Variants in NEK11 observed in about 807,000 individuals in gnomAD.
NEK11 encodes serine/threonine-protein kinase Nek11.
Under a neutral mutation model 80.7 loss-of-function variants are expected in NEK11, and 72 were observed. The observed-to-expected ratio is 0.89, with a 90% CI of 0.74 to 1.08. NEK11 has a LOEUF of 1.08. Ranked by LOEUF, NEK11 falls within the 50% of genes least tolerant of loss-of-function variation. The pLI is 0.00. For synonymous variants in NEK11, 251 were observed against 260.7 expected (o/e 0.96, Z 0.36); for missense variants, 764 against 763.6 (o/e 1.00, Z -0.01).
intron 3 of NEK11, among the ~76,000 whole-genome samples, chr3:131,070,222 TG>T (rs1161499691): frequency 6.6e-6 from 1 of 152,244 alleles, no homozygotes; most frequent in Non-Finnish European, 1.5e-5. Context: ...ATGAGTGATT[TG>T]TTGCCTAGAG....
intron 3 of NEK11, among the ~76,000 whole-genome samples, chr3:131,041,499 A>T (rs2066459995): frequency 6.6e-6 from 1 of 152,182 alleles, no homozygotes; most frequent in Non-Finnish European, 1.5e-5. Flanking sequence ...ACATAACCAT[A>T]AAAACTCTGT....
intron 17 of NEK11, among the ~76,000 whole-genome samples, chr3:131,346,637 A>G (rs752308548): frequency 6.6e-6 from 1 of 152,240 alleles, no homozygotes; most frequent in Non-Finnish European, 1.5e-5. Context: ...ATGATGGGCC[A>G]TGAAATTAAC....
At chr3:131,164,235 T>G (rs1037733302) in intron 11 of NEK11, among the ~76,000 whole-genome samples, 48 of 152,230 alleles carry the variant, frequency 3.2e-4, no homozygotes, top group African/African-American at 1.1e-3. Context: ...AGGGGACTGC[T>G]TATTTGTTTG....
In NEK11 at chr3:131,064,330, A is replaced by C. The variant is rs548050109; in HGVS notation, c.171-16093A>C. On this transcript the variant is annotated intron_variant, in intron 3 of 17. Transcript: ENST00000383366. ...GAAAGTCCAAGAATAAGGTGCCAGC[A>C]GGGTGATTTTTTTCTGAGGCTGCTC... 2.0e-5 allele frequency among the ~76,000 whole-genome samples: 3 copies of C among 152,310 alleles called. No individual in the cohort carries two copies. The South Asian group carries it at 6.2e-4, about 32-fold the overall frequency.
At chr3:131,291,668 CATT>C (rs1431241288) in intron 17 of NEK11, among the ~76,000 whole-genome samples, 5 of 152,066 alleles carry the variant, frequency 3.3e-5, no homozygotes, top group East Asian at 3.9e-4. Flanking sequence ...AGTAGTATCT[CATT>C]GTCTTAATTT....
intron 14 of NEK11, among the ~76,000 whole-genome samples, chr3:131,227,040 C>CTGAACTGA (rs2095220877): frequency 6.6e-6 from 1 of 151,242 alleles, no homozygotes; most frequent in South Asian, 2.1e-4. Context: ...AATCAGTGAT[C>CTGAACTGA]TGAACTGATG....
chr3:131,143,639 T>C (rs1053281772), intron 7 of NEK11, among the ~76,000 whole-genome samples: 1 of 152,152 alleles, frequency 6.6e-6, no homozygotes, highest in Admixed American at 6.6e-5. Flanking sequence ...CTAAGTGATT[T>C]ACATATATGT....
At chr3:131,217,116 G>A (rs563313573) in intron 14 of NEK11, among the ~76,000 whole-genome samples, 5 of 152,284 alleles carry the variant, frequency 3.3e-5, no homozygotes, top group South Asian at 4.2e-4. Flanking sequence ...AGGCCCAGCC[G>A]ATGACTCACT....
intron 16 of NEK11, among the ~76,000 whole-genome samples, chr3:131,252,189 A>G (rs536252727): frequency 3.7e-4 from 57 of 152,270 alleles, no homozygotes; most frequent in African/African-American, 1.3e-3. Context: ...AGTATGTCAG[A>G]GTATAAGCTT....
intron 14 of NEK11, among the ~76,000 whole-genome samples, chr3:131,203,437 G>A (rs1224994714): frequency 7.4e-6 from 1 of 134,422 alleles, no homozygotes; most frequent in African/African-American, 2.7e-5. Context: ...TGTGGGGTGA[G>A]GGGAGGGGGG....
chr3:131,317,191 A>G (rs1278100683), intron 17 of NEK11, among the ~76,000 whole-genome samples: 1 of 152,228 alleles, frequency 6.6e-6, no homozygotes, highest in Non-Finnish European at 1.5e-5. Context: ...ACTTAAACCT[A>G]GGACAGTGTC....
chr3:131,203,727 TTA>T (rs2094334506), intron 14 of NEK11, among the ~76,000 whole-genome samples: 2 of 138,062 alleles, frequency 1.4e-5, no homozygotes, highest in Non-Finnish European at 1.5e-5. Flanking sequence ...TATTTGTATA[TTA>T]TATATGTGTA....
intron 5 of NEK11, among the ~76,000 whole-genome samples, chr3:131,118,135 T>C (rs1393932532): frequency 1.3e-5 from 2 of 152,196 alleles, no homozygotes; most frequent in Non-Finnish European, 2.9e-5. Flanking sequence ...CTTATTATTT[T>C]GAGATACATT....
At chr3:131,176,961 A>G (rs2093055205) in intron 14 of NEK11, among the ~76,000 whole-genome samples, 2 of 152,350 alleles carry the variant, frequency 1.3e-5, no homozygotes, top group Non-Finnish European at 2.9e-5. Flanking sequence ...TTTGGAACAA[A>G]TCAATTAAGC....
intron 4 of NEK11, among the ~76,000 whole-genome samples, chr3:131,087,717 T>A (rs1460870891): frequency 6.6e-6 from 1 of 152,202 alleles, no homozygotes; most frequent in African/African-American, 2.4e-5. Context: ...CTCTAGTGCG[T>A]GTCAATAGAC....
At chr3:131,033,658 T>C (rs1249302562) in intron 3 of NEK11, among the ~76,000 whole-genome samples, 2 of 152,252 alleles carry the variant, frequency 1.3e-5, no homozygotes, top group African/African-American at 4.8e-5. Context: ...TTTATCATTA[T>C]GCCACTTGGG....
chr3:131,147,359 A>G (rs2088594799), intron 7 of NEK11, among the ~76,000 whole-genome samples: 2 of 152,060 alleles, frequency 1.3e-5, no homozygotes, highest in South Asian at 4.1e-4. Context: ...TTATTTTTGC[A>G]TTAATCAAGT....
At chr3:131,296,148 G>C (rs2096590930) in intron 17 of NEK11, among the ~76,000 whole-genome samples, 1 of 152,092 alleles carries the variant, frequency 6.6e-6, no homozygotes, top group Non-Finnish European at 1.5e-5. Flanking sequence ...GCCCAAGTCT[G>C]CTTTCAAACA....
chr3:131,339,365 T>C (rs1003551079), intron 17 of NEK11, among the ~76,000 whole-genome samples: 24 of 152,200 alleles, frequency 1.6e-4, no homozygotes, highest in African/African-American at 4.8e-4. Flanking sequence ...TTAGTCTACA[T>C]TGCAGATGAA....
Sources: gnomAD v4.1 joint callset for allele counts (sites outside exome capture counted in the v4.1 genomes callset) on GRCh38, gnomAD v4.1.1 for gene constraint, MANE v1.5 for transcripts, NCBI Gene and HGNC (gene_info 2026-07-23, HGNC 2026-07-21) for gene names.